CDH8: variants seen among roughly 807,000 people sequenced by gnomAD.
CDH8 encodes the protein cadherin 8.
Under a neutral mutation model 68.1 loss-of-function variants are expected in CDH8, and 17 were observed. The observed-to-expected ratio is 0.25, with a 90% CI of 0.17 to 0.37. The LOEUF is 0.37. CDH8 is among the 10% of genes least tolerant of loss of function. CDH8 has a pLI of 1.00. For synonymous variants in CDH8, 372 were observed against 365.1 expected (o/e 1.02, Z -0.21); for missense variants, 763 against 999.3 (o/e 0.76, Z 3.19).
intron 7 of CDH8, among the ~76,000 whole-genome samples, chr16:61,808,917 G>C (rs1306439160): frequency 6.6e-6 from 1 of 152,166 alleles, no homozygotes; most frequent in Non-Finnish European, 1.5e-5. Context: ...CAGGCGCAGT[G>C]GCTAACGCCT....
chr16:61,960,084 T>TACATATATAC (rs1370967666), intron 2 of CDH8, among the ~76,000 whole-genome samples: 1 of 50,104 alleles, frequency 2.0e-5, no homozygotes, highest in Non-Finnish European at 5.1e-5. Flanking sequence ...CATATATACA[T>TACATATATAC]ATATGTGTGT....
At chr16:61,707,065 A>G (rs1211562866) in intron 10 of CDH8, among the ~76,000 whole-genome samples, 1 of 152,152 alleles carries the variant, frequency 6.6e-6, no homozygotes, top group East Asian at 1.9e-4. Context: ...CTCATGGACA[A>G]TGTTTGCAGA....
At chr16:61,745,214 C>T (rs1032205929) in intron 8 of CDH8, among the ~76,000 whole-genome samples, 1 of 151,464 alleles carries the variant, frequency 6.6e-6, no homozygotes, top group East Asian at 1.9e-4. Flanking sequence ...TTTGTCTCTG[C>T]CTTCCATAAT....
intron 2 of CDH8, among the ~76,000 whole-genome samples, chr16:62,003,351 TAGC>T (rs1965924482): frequency 6.6e-6 from 1 of 152,222 alleles, no homozygotes; most frequent in African/African-American, 2.4e-5. Context: ...CAAAAGATAA[TAGC>T]AGTTGAATAG....
intron 2 of CDH8, among the ~76,000 whole-genome samples, chr16:61,959,300 G>A (rs140778104): frequency 1.3e-5 from 2 of 152,054 alleles, no homozygotes; most frequent in African/African-American, 4.8e-5. Context: ...AAGAAAAAAA[G>A]ACATCATTTA....
rs140159419 is a variant in CDH8 at position 61,821,129 on chromosome 16, A to G, written c.836-16T>C. The G allele has an allele frequency of 0.011, 17,955 of 1,583,668 alleles. 141 individuals carry two copies. Among genetic ancestry groups the G allele is most frequent in the Non-Finnish European group, 0.012 (14,436 of 1,161,310 alleles). On this transcript the variant is annotated splice_polypyrimidine_tract_variant and intron_variant, in intron 5 of 11. Coordinates refer to ENST00000577390, the MANE Select transcript of CDH8 (RefSeq NM_001796.5). ...TGATACAGGCCTTTAAAAAGAGGAG[A>G]AACAATGAGAGTCACACAAATTCCA...
intron 2 of CDH8, among the ~76,000 whole-genome samples, chr16:61,963,857 A>T (rs891959696): frequency 1.3e-5 from 2 of 152,200 alleles, no homozygotes; most frequent in East Asian, 1.9e-4. Context: ...CACACTTTTA[A>T]GTTTGTTCAA....
At chr16:61,768,365 T>G (rs199836465) in intron 8 of CDH8, among the ~76,000 whole-genome samples, 1 of 100,840 alleles carries the variant, frequency 9.9e-6, no homozygotes, top group Admixed American at 1.0e-4. Context: ...TCTCTCTCTC[T>G]CTCCCTTTCT....
chr16:61,873,358 G>A (rs1051374779), intron 3 of CDH8, among the ~76,000 whole-genome samples: 2 of 152,120 alleles, frequency 1.3e-5, no homozygotes, highest in African/African-American at 4.8e-5. Context: ...TTTCTAAATT[G>A]TGGACGACAC....
In CDH8 at chr16:61,912,688, A is replaced by G. The variant is rs192899893; in HGVS notation, c.253-11215T>C. Among the ~76,000 whole-genome samples the G allele has an allele frequency of 3.3e-3, 500 of 152,252 alleles. 3 individuals carry two copies. The highest frequency in any genetic ancestry group is 0.012 in the African/African-American group (482 of 41,562). ...CTGGGTTGAATTACAGTGACCAGAT[A>G]TGATCTTGGGCAGGTCACCTACATT... On this transcript the variant is annotated intron_variant, in intron 2 of 11. Coordinates refer to ENST00000577390, the MANE Select transcript of CDH8 (RefSeq NM_001796.5).
At position 61,772,532 on chromosome 16, in the gene CDH8, C is replaced by T. The variant is rs181858157; in HGVS notation, c.1414+16814G>A. Among the ~76,000 whole-genome samples, 27 of 152,080 alleles carry T rather than the reference C, an allele frequency of 1.8e-4. 1 individual carries two copies. The highest frequency in any genetic ancestry group is 3.4e-3 in the Middle Eastern group (1 of 292). ...AAAGAATACAGAAAGGGTTAAAAAC[C>T]GGCCTAGCACACAGTAAGCTGCGAC... On this transcript the variant is annotated intron_variant, in intron 8 of 11. Transcript: ENST00000577390.
chr16:61,791,566 C>T (rs1328367009), intron 7 of CDH8, among the ~76,000 whole-genome samples: 2 of 151,948 alleles, frequency 1.3e-5, no homozygotes, highest in Non-Finnish European at 2.9e-5. Flanking sequence ...TTTATTATCT[C>T]ACTGCTGATA....
At chr16:61,918,171 T>G (rs1287894060) in intron 2 of CDH8, 5 of 152,006 alleles carry the variant, frequency 3.3e-5, no homozygotes, top group Non-Finnish European at 7.4e-5. Context: ...GTAAAAAATA[T>G]TTTTATTAAC....
At chr16:61,902,098 T>C (rs1038453846) in intron 2 of CDH8, among the ~76,000 whole-genome samples, 1 of 152,178 alleles carries the variant, frequency 6.6e-6, no homozygotes. Flanking sequence ...TCTTTTTTCC[T>C]TTAGTTCTGA....
rs1016789406 is a variant in CDH8 at position 61,649,671 on chromosome 16, C to T, written c.*3937G>A. On this transcript the variant is annotated 3_prime_UTR_variant, in exon 12 of 12. Transcript: ENST00000577390. ...CAGATGGAACTTTCAATCAAAAAGG[C>T]AATCAGAAGGTTATACATTCGTGAG... 2.0e-5 allele frequency: 3 copies of T among 151,902 alleles called. No homozygotes were observed. 9.4% of individuals were successfully genotyped at this position (151,902 alleles called of 1,614,324 possible). A position where few individuals can be genotyped will look rare whatever the true frequency, so the allele number is the denominator to read the frequency against.
intron 10 of CDH8, among the ~76,000 whole-genome samples, chr16:61,662,931 C>T (rs1448759923): frequency 6.6e-6 from 1 of 151,880 alleles, no homozygotes; most frequent in South Asian, 2.1e-4. Flanking sequence ...TTTTGTAATG[C>T]TTTACAGATA....
intron 10 of CDH8, among the ~76,000 whole-genome samples, chr16:61,691,213 C>T (rs1283919769): frequency 1.3e-5 from 2 of 152,050 alleles, no homozygotes; most frequent in Non-Finnish European, 2.9e-5. Context: ...TATTGTCCCT[C>T]TCATTGTCTT....
chr16:61,910,913 G>T (rs1964150603), intron 2 of CDH8, among the ~76,000 whole-genome samples: 1 of 152,070 alleles, frequency 6.6e-6, no homozygotes, highest in South Asian at 2.1e-4. Flanking sequence ...GTCTTACATT[G>T]GGCAAGTTAC....
chr16:61,682,508 T>C (rs970651177), intron 10 of CDH8, among the ~76,000 whole-genome samples: 1 of 151,966 alleles, frequency 6.6e-6, no homozygotes, highest in Non-Finnish European at 1.5e-5. Context: ...GTTACCATGG[T>C]CTCACAGTTG....
Sources: allele counts gnomAD v4.1 joint callset (sites outside exome capture counted in the v4.1 genomes callset), GRCh38; gene constraint gnomAD v4.1.1; transcripts MANE v1.5; gene names NCBI Gene and HGNC (gene_info 2026-07-23, HGNC 2026-07-21).